ADAMTS20: variants seen among roughly 807,000 people sequenced by gnomAD.
ADAMTS20 encodes ADAM metallopeptidase with thrombospondin type 1 motif 20.
In ADAMTS20, 225 loss-of-function variants were observed where a neutral mutation model predicts 260.1. The ratio of observed to expected loss-of-function variants is 0.87; its 90% CI spans 0.78 to 0.97. ADAMTS20 has a LOEUF of 0.97. ADAMTS20 is among the 50% of genes least tolerant of loss of function. The pLI is 0.00. For missense variants in ADAMTS20, 2,400 were observed against 2,337.7 expected (o/e 1.03, Z -0.55); for synonymous variants, 802 against 769.5 (o/e 1.04, Z -0.70).
chr12:43,408,400 A>G (rs1940959881), intron 28 of ADAMTS20, among the ~76,000 whole-genome samples: 1 of 152,258 alleles, frequency 6.6e-6, no homozygotes. Context: ...TTACTATGGT[A>G]ACATTTACAA....
chr12:43,398,538 C>T (rs889223157), intron 29 of ADAMTS20, among the ~76,000 whole-genome samples: 9 of 152,284 alleles, frequency 5.9e-5, no homozygotes, highest in Non-Finnish European at 1.2e-4. Context: ...ATTTACCAGT[C>T]CCTTCTCCAG....
At chr12:43,525,068 G>C (rs917095653) in intron 3 of ADAMTS20, among the ~76,000 whole-genome samples, 10 of 141,812 alleles carry the variant, frequency 7.1e-5, no homozygotes, top group Non-Finnish European at 1.5e-4. Flanking sequence ...CATCATCAGT[G>C]CATATAGTCA....
At chr12:43,374,134 A>C (rs1380838356) in intron 36 of ADAMTS20, among the ~76,000 whole-genome samples, 1 of 152,192 alleles carries the variant, frequency 6.6e-6, no homozygotes, top group Non-Finnish European at 1.5e-5. Flanking sequence ...TGATAAATAA[A>C]GAATTACACC....
chr12:43,396,655 AT>A (rs1273127262), intron 29 of ADAMTS20, among the ~76,000 whole-genome samples: 2 of 152,144 alleles, frequency 1.3e-5, no homozygotes, highest in Admixed American at 6.6e-5. Context: ...AAAAGCATCT[AT>A]TTTTTATAGT....
chr12:43,445,995 G>A (rs868654860), intron 15 of ADAMTS20, among the ~76,000 whole-genome samples: 1 of 152,128 alleles, frequency 6.6e-6, no homozygotes, highest in Non-Finnish European at 1.5e-5. Context: ...ATAGTCTCAT[G>A]ATATTTTGGA....
Position 43,383,677 on chromosome 12 carries a change from C to G in ADAMTS20, c.4678G>C (p.Asp1560His), listed in dbSNP as rs755435967. Residue 1560 changes from aspartate to histidine, a missense_variant, in exon 31 of 39, where the codon GAT becomes CAT. Asp to His is a moderately conservative substitution (Grantham distance 81, BLOSUM62 -1). Transcript: ENST00000389420. The part of the protein sequence containing the change: ...KDSHQRMECT[D>H]NQIRQVNEIV... ...TCATTCACTTGTCTGATTTGGTTAT[C>G]TGTGCACTCCATTCGTTGATGTGAA... is the stretch of plus-strand genomic sequence containing the variant. The G allele has an allele frequency of 6.2e-7, 1 of 1,613,908 alleles. No individual in the cohort carries two copies. Among genetic ancestry groups the G allele is most frequent in the Non-Finnish European group, 8.5e-7 (1 of 1,179,844 alleles).
intron 38 of ADAMTS20, 35 bp from the exon 39 acceptor site, chr12:43,354,333 A>G: frequency 6.8e-7 from 1 of 1,472,982 alleles, no homozygotes; most frequent in South Asian, 1.2e-5. Context: ...GAAGAATCTT[A>G]TACAAGCTGG....
chr12:43,505,057 G>T (rs928368593), intron 3 of ADAMTS20, among the ~76,000 whole-genome samples: 2 of 152,152 alleles, frequency 1.3e-5, no homozygotes, highest in African/African-American at 4.8e-5. Context: ...AACTGCAATA[G>T]AGACCCCAGA....
At chr12:43,531,265 C>T (rs1442144783) in intron 3 of ADAMTS20, among the ~76,000 whole-genome samples, 2 of 151,746 alleles carry the variant, frequency 1.3e-5, no homozygotes, top group Admixed American at 6.6e-5. Flanking sequence ...AAAGTTAAAA[C>T]CATGCAAAAT....
intron 19 of ADAMTS20, among the ~76,000 whole-genome samples, chr12:43,433,025 G>T (rs555481714): frequency 1.5e-3 from 222 of 152,184 alleles, no homozygotes; most frequent in Non-Finnish European, 2.9e-3. Context: ...GGAACCCCAA[G>T]CTTCCTCAAA....
intron 37 of ADAMTS20, among the ~76,000 whole-genome samples, chr12:43,364,088 C>T (rs563801020): frequency 3.3e-5 from 5 of 152,242 alleles, no homozygotes; most frequent in Non-Finnish European, 5.9e-5. Context: ...AGGAGCATCA[C>T]GGTCACTGTG....
chr12:43,428,152 AAGT>A, intron 26 of ADAMTS20, 86 bp downstream of exon 26: 1 of 1,294,366 alleles, frequency 7.7e-7, no homozygotes, highest in Non-Finnish European at 1.1e-6. Flanking sequence ...TTAGCATTTA[AAGT>A]ACTGATGGCA....
intron 38 of ADAMTS20, among the ~76,000 whole-genome samples, chr12:43,355,368 G>T (rs756290706): frequency 2.0e-5 from 3 of 152,140 alleles, no homozygotes; most frequent in Non-Finnish European, 4.4e-5. Context: ...TTCACACCAG[G>T]CATCAGATTT....
chr12:43,515,605 A>C (rs1942989729), intron 3 of ADAMTS20, among the ~76,000 whole-genome samples: 1 of 152,216 alleles, frequency 6.6e-6, no homozygotes, highest in Admixed American at 6.5e-5. Flanking sequence ...AATAAGAAAT[A>C]TTTAAGATAT....
chr12:43,405,460 T>A lies in ADAMTS20; in HGVS notation c.4285-6227A>T, dbSNP rs563199948. 6.5e-3 allele frequency among the ~76,000 whole-genome samples: 920 copies of A among 140,900 alleles called. 12 individuals are homozygous for A. Among genetic ancestry groups the A allele is most frequent in the African/African-American group, 0.023 (892 of 38,172 alleles). The allele number at this position is 140,900 out of a possible 152,430, so 92.4% of individuals were successfully genotyped here. ...ATAATAATAATAATAATAATAATAA[T>A]AAATTAAATATTTCAAAATTTGATA... is the stretch of plus-strand genomic sequence containing the variant. On this transcript the variant is annotated intron_variant, in intron 28 of 38. Transcript: ENST00000389420.
Position 43,429,658 on chromosome 12 carries a change from T to A in ADAMTS20, c.3448A>T (p.Ile1150Leu). Residue 1150 changes from isoleucine to leucine, a missense_variant, in exon 24 of 39, where the codon ATA (isoleucine) becomes TTA (leucine). Physicochemically the swap from Ile to Leu is conservative, Grantham distance 5. Coordinates refer to ENST00000389420, the MANE Select transcript of ADAMTS20 (RefSeq NM_025003.5). ...LETALLPTVL[I>L]KKMAQWRHGS... is the part of the protein sequence containing the mutation. Reference sequence around the variant, plus strand: ...TGTCGCCATTGTGCCATCTTTTTTATGAGAACAGTTGGTAATAAAGCGGTC... The same window carrying A: ...TGTCGCCATTGTGCCATCTTTTTTAAGAGAACAGTTGGTAATAAAGCGGTC... 2 of 1,600,598 alleles carry A rather than the reference T, an allele frequency of 1.2e-6. No individual in the cohort carries two copies. The highest frequency in any genetic ancestry group is 1.7e-6 in the Non-Finnish European group (2 of 1,172,562).
intron 28 of ADAMTS20, among the ~76,000 whole-genome samples, chr12:43,410,833 T>G (rs552173249): frequency 3.9e-5 from 6 of 152,330 alleles, no homozygotes; most frequent in South Asian, 2.1e-4. Flanking sequence ...TGGAAGCAAA[T>G]GTTTACTTAG....
rs181778738 is a variant in ADAMTS20, at chr12:43,454,098, T to C, written c.1615-46A>G. 7.0e-6 allele frequency: 11 copies of C among 1,580,844 alleles called. No individual in the cohort carries two copies. The African/African-American group carries it at 1.5e-4, about 22-fold the overall frequency. ...AAAAGAAATGATGTGTGTCTCTAAT[T>C]AGAACATCACAAAAATTATAATAGC... On this transcript the variant is annotated intron_variant, in intron 11 of 38. Coordinates refer to ENST00000389420, the MANE Select transcript of ADAMTS20 (RefSeq NM_025003.5).
chr12:43,460,413 C>T (rs547350278), intron 11 of ADAMTS20, among the ~76,000 whole-genome samples: 1 of 152,138 alleles, frequency 6.6e-6, no homozygotes, highest in East Asian at 1.9e-4. Context: ...AGTAGAATGG[C>T]CAAATTTTTT....
Sources: gnomAD v4.1 joint callset for allele counts (sites outside exome capture counted in the v4.1 genomes callset) on GRCh38, gnomAD v4.1.1 for gene constraint, MANE v1.5 for transcripts, NCBI Gene and HGNC (gene_info 2026-07-23, HGNC 2026-07-21) for gene names.